ING5: variants seen among roughly 807,000 people sequenced by gnomAD.
ING5 encodes inhibitor of growth protein 5.
A neutral mutation model predicts 37.4 loss-of-function variants in ING5; 17 were observed. That is an observed-to-expected ratio of 0.45 (90% CI 0.31 to 0.68). The LOEUF is 0.68. Ranked by LOEUF, ING5 falls within the 30% of genes least tolerant of loss-of-function variation. The probability of loss-of-function intolerance (pLI) is 0.05; values close to 1 mark genes in which losing one functional copy is unlikely to be tolerated. For synonymous variants in ING5, 123 were observed against 116.6 expected (o/e 1.06, Z -0.36); for missense variants, 233 against 311.9 (o/e 0.75, Z 1.91).
intron 5 of ING5, chr2:241,719,527 C>A: frequency 6.5e-7 from 1 of 1,534,974 alleles, no homozygotes; most frequent in Non-Finnish European, 8.7e-7. Context: ...TGCTCGGAAC[C>A]TGAAGGCCCT....
chr2:241,703,717 T>C (rs1225402820), intron 1 of ING5, among the ~76,000 whole-genome samples: 1 of 152,116 alleles, frequency 6.6e-6, no homozygotes, highest in Non-Finnish European at 1.5e-5. Context: ...GCAATTCTCA[T>C]GCCCTAGCCT....
rs571130882 is a variant in ING5 at position 241,687,676 on chromosome 2, C to T, written c.-1160C>T. ...CCGAGTAGCTGGGACTGCAGGCGGC[C>T]GCCACGACGCCCGGCTAATTTTTTG... On this transcript the variant is annotated 5_prime_UTR_variant, in exon 1 of 8. Coordinates refer to the ING5 transcript ENST00000636051. 10 of 228,230 alleles carry T rather than the reference C, an allele frequency of 4.4e-5. No homozygotes were observed. The South Asian group carries it at 1.6e-3, about 37-fold the overall frequency. The allele number at this position is 228,230 out of a possible 1,614,324, so 14.1% of individuals were successfully genotyped here.
intron 2 of ING5, among the ~76,000 whole-genome samples, chr2:241,692,623 A>G: frequency 6.6e-6 from 1 of 152,140 alleles, no homozygotes; most frequent in East Asian, 1.9e-4. Context: ...CAGGCCCTGC[A>G]TACCAGTGAA....
intron 2 of ING5, among the ~76,000 whole-genome samples, chr2:241,696,384 C>T (rs2069630303): frequency 6.6e-6 from 1 of 151,774 alleles, no homozygotes; most frequent in Admixed American, 6.6e-5. Context: ...GTGCAAGACT[C>T]CATCTCAAAA....
intron 5 of ING5, among the ~76,000 whole-genome samples, chr2:241,715,187 ATTTTAGAATGTTTT>A (rs1559309105): frequency 6.6e-6 from 1 of 151,986 alleles, no homozygotes; most frequent in Non-Finnish European, 1.5e-5. Flanking sequence ...TATTTAAAAT[ATTTTAGAATGTTTT>A]TCTTGTTTTT....
In ING5 at chr2:241,711,967, T is replaced by A. The variant is rs1227462311; in HGVS notation, c.389-11T>A. The A allele has an allele frequency of 1.3e-6, 2 of 1,578,418 alleles. No individual in the cohort carries two copies. Among genetic ancestry groups the A allele is most frequent in the Non-Finnish European group, 1.7e-6 (2 of 1,166,004 alleles). On this transcript the variant is annotated splice_polypyrimidine_tract_variant and intron_variant, in intron 4 of 7. Coordinates refer to ENST00000313552, the MANE Select transcript of ING5 (RefSeq NM_032329.6). ...TCTATAAAAATAATTTGCATCTTGA[T>A]TATTTTTCAGAAGGCCGGGGTCAGA...
upstream of ING5, among the ~76,000 whole-genome samples, chr2:241,698,912 G>C (rs1238510154): frequency 1.3e-5 from 2 of 152,140 alleles, no homozygotes; most frequent in African/African-American, 4.8e-5. Flanking sequence ...ATTTTTAATA[G>C]AGATGGGGTT....
At chr2:241,718,162 G>A (rs891052451) in intron 5 of ING5, among the ~76,000 whole-genome samples, 2 of 152,028 alleles carry the variant, frequency 1.3e-5, no homozygotes, top group Non-Finnish European at 2.9e-5. Flanking sequence ...ACAGGTGAGC[G>A]TCACCACACC....
At chr2:241,704,963 A>G (rs1287065221) in intron 2 of ING5, among the ~76,000 whole-genome samples, 1 of 152,232 alleles carries the variant, frequency 6.6e-6, no homozygotes, top group Non-Finnish European at 1.5e-5. Flanking sequence ...ACCCTTTCCA[A>G]TCAAAATATT....
upstream of ING5, among the ~76,000 whole-genome samples, chr2:241,701,256 G>A (rs1260332920): frequency 2.0e-5 from 3 of 152,194 alleles, no homozygotes; most frequent in Non-Finnish European, 4.4e-5. Flanking sequence ...GCGCCAGCGC[G>A]CCGGCCTTCT....
At chr2:241,722,812 T>C (rs2070464116) in intron 5 of ING5, 127 bp from the exon 6 acceptor site, 2 of 1,520,518 alleles carry the variant, frequency 1.3e-6, no homozygotes, top group Non-Finnish European at 1.8e-6. Context: ...ATTTCCCCCT[T>C]GGAATGATTG....
At chr2:241,719,385 T>G in intron 5 of ING5, 1 of 656,314 alleles carries the variant, frequency 1.5e-6, no homozygotes, top group Non-Finnish European at 2.7e-6. Flanking sequence ...CCCCCCACTC[T>G]GGCTGCAGGT....
intron 5 of ING5, among the ~76,000 whole-genome samples, chr2:241,716,767 C>T (rs1305741846): frequency 2.0e-5 from 3 of 152,248 alleles, no homozygotes; most frequent in South Asian, 2.1e-4. Flanking sequence ...CTTCCCAGCA[C>T]GTTATTACCT....
At position 241,726,801 on chromosome 2, in the gene ING5, A is replaced by AT. The variant is rs759848977; in HGVS notation, c.*1781dup. 323 of 149,476 alleles carry AT rather than the reference A, an allele frequency of 2.2e-3. 1 individual carries two copies. Among genetic ancestry groups the AT allele is most frequent in the African/African-American group, 6.8e-3 (278 of 40,842 alleles). The allele number at this position is 149,476 out of a possible 1,614,324, so 9.3% of individuals were successfully genotyped here. On this transcript the variant is annotated 3_prime_UTR_variant, in exon 8 of 8. Coordinates refer to ENST00000313552, the MANE Select transcript of ING5 (RefSeq NM_032329.6). ...GGAGATGGGTGGGTTTTGTATGTTAATTTTTTTTTTTGAGACGGAGTCTTG... is the reference window on the plus strand; with the variant it reads ...GGAGATGGGTGGGTTTTGTATGTTAATTTTTTTTTTTTGAGACGGAGTCTTG...
chr2:241,702,024 ACCGC>A (rs1225269355), upstream of ING5: 5 of 1,334,690 alleles, frequency 3.7e-6, no homozygotes, highest in South Asian at 1.7e-5. Context: ...CTCCCGCGGC[ACCGC>A]CCGCCCGCGC....
In ING5 at chr2:241,688,544, A is replaced by G. The variant is rs140999568; in HGVS notation, c.-774+482A>G. Among the ~76,000 whole-genome samples the G allele has an allele frequency of 5.9e-5, 9 of 152,290 alleles. No individual in the cohort carries two copies. The East Asian group carries it at 1.5e-3, about 26-fold the overall frequency. On this transcript the variant is annotated intron_variant, in intron 1 of 7. Coordinates refer to the ING5 transcript ENST00000636051. ...TGTTTTCCAGACTGAAGCCTCCCCA[A>G]TTCAGTTTGGGGTTCTGGAAGGATA...
At chr2:241,706,939 T>C (rs921815959) in intron 2 of ING5, among the ~76,000 whole-genome samples, 3 of 150,924 alleles carry the variant, frequency 2.0e-5, no homozygotes, top group African/African-American at 7.3e-5. Flanking sequence ...TTCATGATAA[T>C]GTGTTTTGGT....
Position 241,723,988 on chromosome 2 carries a change from C to T in ING5, c.680+717C>T, listed in dbSNP as rs763407148. 75 of 1,325,200 alleles carry T rather than the reference C, an allele frequency of 5.7e-5. 1 individual carries two copies. Among genetic ancestry groups the T allele is most frequent in the East Asian group, 3.5e-4 (14 of 39,476 alleles). The allele number at this position is 1,325,200 out of a possible 1,614,324, so 82.1% of individuals were successfully genotyped here. On this transcript the variant is annotated intron_variant, in intron 7 of 7. Coordinates refer to ENST00000313552, the MANE Select transcript of ING5 (RefSeq NM_032329.6). ...TCGCGCCACTGCACTCCAGCCTGGG[C>T]GAGAGAGCAAGACCCTGTCTCAAAT...
At chr2:241,720,884 A>G (rs2070414132) in intron 5 of ING5, 13 of 985,628 alleles carry the variant, frequency 1.3e-5, no homozygotes, top group Non-Finnish European at 1.6e-5. Flanking sequence ...GCGCTCCCTC[A>G]GGCGAGACTG....
Sources: gnomAD v4.1 joint callset for allele counts (sites outside exome capture counted in the v4.1 genomes callset) on GRCh38, gnomAD v4.1.1 for gene constraint, MANE v1.5 for transcripts, NCBI Gene and HGNC (gene_info 2026-07-23, HGNC 2026-07-21) for gene names.